Variants in SCRG1 observed in about 807,000 individuals in gnomAD.
SCRG1 encodes scrapie-responsive protein 1.
Under a neutral mutation model 7.7 loss-of-function variants are expected in SCRG1, and 3 were observed. That is an observed-to-expected ratio of 0.39 (90% CI 0.18 to 1.01). The LOEUF is 1.01. Ranked by LOEUF, SCRG1 falls within the 50% of genes least tolerant of loss-of-function variation. The probability of loss-of-function intolerance (pLI) is 0.36; values close to 1 mark genes in which losing one functional copy is unlikely to be tolerated. For synonymous variants in SCRG1, 46 were observed against 41.2 expected, an observed-to-expected ratio of 1.12 and a Z score of -0.44; for missense variants, 110 against 117.2, an observed-to-expected ratio of 0.94 and a Z score of 0.28.
At chr4:173,420,714 A>T in the SCRG1 span, among the ~76,000 whole-genome samples, 1 of 152,150 alleles carries the variant, frequency 6.6e-6, no homozygotes, top group African/African-American at 2.4e-5. Flanking sequence ...TGAAAAAAAA[A>T]AAAAGAAAAG....
upstream of SCRG1, among the ~76,000 whole-genome samples, chr4:173,408,880 CT>C (rs1739976652): frequency 6.6e-6 from 1 of 151,444 alleles, no homozygotes; most frequent in Admixed American, 6.6e-5. Flanking sequence ...GTGGTCCCAG[CT>C]ACTCCGGAGG....
chr4:173,391,462 T>C, intron 1 of SCRG1, 34 bp from the exon 2 acceptor site: 2 of 1,607,722 alleles, frequency 1.2e-6, no homozygotes, highest in Non-Finnish European at 1.7e-6. Context: ...TGTGTCAATG[T>C]TTGTTTTTTA....
chr4:173,470,756 A>G, the SCRG1 span, among the ~76,000 whole-genome samples: 8 of 152,252 alleles, frequency 5.3e-5, no homozygotes, highest in Non-Finnish European at 5.9e-5. Context: ...AGTTTATTTA[A>G]TAGTTTCTTC....
the SCRG1 span, among the ~76,000 whole-genome samples, chr4:173,437,162 A>T: frequency 6.6e-6 from 1 of 152,202 alleles, no homozygotes; most frequent in African/African-American, 2.4e-5. Context: ...TTTAGAGAAG[A>T]AGCAAATGTT....
the SCRG1 span, among the ~76,000 whole-genome samples, chr4:173,479,378 A>C: frequency 6.6e-6 from 1 of 152,028 alleles, no homozygotes; most frequent in Non-Finnish European, 1.5e-5. Flanking sequence ...AGCTTTGAAA[A>C]ACTGAGTATA....
chr4:173,510,805 C>G, the SCRG1 span, among the ~76,000 whole-genome samples: 1 of 152,172 alleles, frequency 6.6e-6, no homozygotes, highest in Non-Finnish European at 1.5e-5. This position sits in a 1 kb window ranked among gnomAD's most constrained non-coding sequence, Gnocchi z 5.7. Context: ...AAGCAAAGTG[C>G]CTGTCCACGT....
At chr4:173,501,494 C>G in the SCRG1 span, among the ~76,000 whole-genome samples, 1 of 152,210 alleles carries the variant, frequency 6.6e-6, no homozygotes, top group Non-Finnish European at 1.5e-5. The surrounding 1 kb of genome is among the most constrained non-coding windows in gnomAD (Gnocchi z 5.1). Context: ...GGGCACAGCC[C>G]TGGCTCCCCT....
the SCRG1 span, among the ~76,000 whole-genome samples, chr4:173,485,465 G>T: frequency 6.6e-5 from 10 of 151,624 alleles, no homozygotes; most frequent in Admixed American, 1.3e-4. Flanking sequence ...GACTGAGGCT[G>T]CCTGAGTGAT....
At chr4:173,398,709 A>C (rs1739670989) in intron 1 of SCRG1, among the ~76,000 whole-genome samples, 1 of 152,238 alleles carries the variant, frequency 6.6e-6, no homozygotes, top group Admixed American at 6.5e-5. Context: ...ACAATCCTAT[A>C]TACTTTATCA....
the SCRG1 span, among the ~76,000 whole-genome samples, chr4:173,445,957 C>T: frequency 6.6e-6 from 1 of 152,136 alleles, no homozygotes; most frequent in Non-Finnish European, 1.5e-5. Context: ...AGCCACTGCA[C>T]CTGGCCTTTA....
At chr4:173,407,698 A>G (rs565787252), upstream of SCRG1, among the ~76,000 whole-genome samples, 1 of 152,378 alleles carries the variant, frequency 6.6e-6, no homozygotes, top group East Asian at 1.9e-4. Context: ...TATTTTAAAA[A>G]TAATAAACAC....
the SCRG1 span, among the ~76,000 whole-genome samples, chr4:173,503,857 A>C: frequency 2.6e-5 from 4 of 152,184 alleles, no homozygotes; most frequent in Non-Finnish European, 5.9e-5. This position sits in a 1 kb window ranked among gnomAD's most constrained non-coding sequence, Gnocchi z 6.4. Flanking sequence ...GGAGGGTGTC[A>C]TTTGTAGCAA....
the SCRG1 span, among the ~76,000 whole-genome samples, chr4:173,457,861 C>G: frequency 6.6e-6 from 1 of 152,126 alleles, no homozygotes; most frequent in African/African-American, 2.4e-5. Context: ...AGTCCCTGCA[C>G]CCCACCCCAG....
At chr4:173,422,847 G>A in the SCRG1 span, among the ~76,000 whole-genome samples, 55 of 152,048 alleles carry the variant, frequency 3.6e-4, no homozygotes, top group South Asian at 1.2e-3. Flanking sequence ...TAATTATAAC[G>A]CTGGACAATT....
the SCRG1 span, among the ~76,000 whole-genome samples, chr4:173,480,386 T>C: frequency 6.6e-6 from 1 of 151,944 alleles, no homozygotes; most frequent in African/African-American, 2.4e-5. Flanking sequence ...TTTTAAGGCC[T>C]GGCCTTTTAA....
chr4:173,390,888 G>T (rs552046161), intron 2 of SCRG1, among the ~76,000 whole-genome samples: 2 of 152,054 alleles, frequency 1.3e-5, no homozygotes, highest in Middle Eastern at 3.4e-3. Flanking sequence ...TTTTATTTTT[G>T]GGGGGGTAAA....
At chr4:173,479,592 C>T in the SCRG1 span, among the ~76,000 whole-genome samples, 1 of 151,862 alleles carries the variant, frequency 6.6e-6, no homozygotes, top group African/African-American at 2.4e-5. Context: ...AGGCTTGTGT[C>T]ACCATGCCTG....
chr4:173,391,366 C>T lies in SCRG1; in HGVS notation c.49G>A (p.Gly17Arg), dbSNP rs781031056. 4 of 1,614,192 alleles carry T rather than the reference C, an allele frequency of 2.5e-6. No homozygotes were observed. The highest frequency in any genetic ancestry group is 3.4e-6 in the Non-Finnish European group (4 of 1,180,028). Residue 17 changes from glycine to arginine, a missense_variant, in exon 2 of 3, where the codon GGA becomes AGA. Gly to Arg is a moderately radical substitution (Grantham distance 125, BLOSUM62 -2). Coordinates refer to ENST00000296506, the MANE Select transcript of SCRG1 (RefSeq NM_007281.4). ...VFTIGLTLLL[G>R]VQAMPANRLS... The stretch of plus-strand genomic sequence containing the variant: ...CGATTTGCAGGCATGGCTTGAACTC[C>T]TAGCAGCAAAGTTAGCCCAATGGTG...
the SCRG1 span, among the ~76,000 whole-genome samples, chr4:173,435,459 A>C: frequency 6.6e-6 from 1 of 152,192 alleles, no homozygotes; most frequent in Non-Finnish European, 1.5e-5. Context: ...CCCTGCTCTC[A>C]GGATGCTGGG....
Sources: gnomAD v4.1 joint callset for allele counts (sites outside exome capture counted in the v4.1 genomes callset) on GRCh38, gnomAD v4.1.1 for gene constraint, Gnocchi (gnomAD v3.1) non-coding constraint, MANE v1.5 for transcripts, NCBI Gene and HGNC (gene_info 2026-07-23, HGNC 2026-07-21) for gene names.